The following NYAP2 variants were observed in gnomAD, a reference collection of about 807,000 sequenced individuals.
NYAP2 encodes neuronal tyrosine-phosphorylated phosphoinositide-3-kinase adapter 2.
In NYAP2, 23 loss-of-function variants were observed where a neutral mutation model predicts 50.4. The ratio of observed to expected loss-of-function variants is 0.46; its 90% confidence interval spans 0.33 to 0.65. The LOEUF (loss-of-function observed/expected upper bound fraction) is 0.65, where lower values mean the gene tolerates loss of function less well. Among genes scored for constraint, NYAP2 ranks in the 30% least tolerant of loss-of-function variants. The pLI, the probability that NYAP2 is intolerant of heterozygous loss-of-function variation, is 0.02. For synonymous variants in NYAP2, 394 were observed against 365.2 expected (o/e 1.08, Z -0.90); for missense variants, 885 against 861.0 (o/e 1.03, Z -0.35).
intron 4 of NYAP2, among the ~76,000 whole-genome samples, chr2:225,560,521 T>G (rs988546829): frequency 3.9e-5 from 6 of 152,124 alleles, no homozygotes; most frequent in African/African-American, 1.4e-4. Flanking sequence ...CCTAAACAGC[T>G]TGGCTTATTT....
chr2:225,611,901 T>TACACAC lies in NYAP2; in HGVS notation c.1619-14983_1619-14978dup, dbSNP rs147331159. 4.8e-4 allele frequency among the ~76,000 whole-genome samples: 70 copies of TACACAC among 145,550 alleles called. 1 individual carries two copies. Among genetic ancestry groups the TACACAC allele is most frequent in the Non-Finnish European group, 9.1e-4 (61 of 66,794 alleles). On this transcript the variant is annotated intron_variant, in intron 5 of 6. Transcript: ENST00000636099. ...ATGTATATATATGTGTGTGTGTGTA[T>TACACAC]ACACACACACACACACACACACACA...
chr2:225,423,472 C>A (rs1695244492), intron 3 of NYAP2, among the ~76,000 whole-genome samples: 2 of 152,080 alleles, frequency 1.3e-5, no homozygotes, highest in Admixed American at 6.6e-5. Flanking sequence ...CTCTGTCACC[C>A]CAGAATTGAA....
chr2:225,701,603 T>A, the NYAP2 span: 4 of 151,902 alleles, frequency 2.6e-5, no homozygotes, highest in African/African-American at 9.6e-5. Flanking sequence ...ACCGCTCACA[T>A]CTCTCCCATG....
chr2:225,663,965 G>T, the NYAP2 span, among the ~76,000 whole-genome samples: 1 of 151,992 alleles, frequency 6.6e-6, no homozygotes, highest in African/African-American at 2.4e-5. Context: ...TTGCTTATTT[G>T]TCAAGTCTGG....
chr2:225,672,063 A>G, the NYAP2 span, among the ~76,000 whole-genome samples: 1 of 152,130 alleles, frequency 6.6e-6, no homozygotes. Context: ...ATTTTGAAAT[A>G]GTAAATGAGC....
chr2:225,647,958 G>A (rs1693661699), intron 6 of NYAP2, among the ~76,000 whole-genome samples: 1 of 134,300 alleles, frequency 7.4e-6, no homozygotes, highest in African/African-American at 2.9e-5. Flanking sequence ...ATATATATAT[G>A]TGTGTGCATA....
At chr2:225,630,507 G>T (rs1177200683) in intron 6 of NYAP2, among the ~76,000 whole-genome samples, 2 of 152,122 alleles carry the variant, frequency 1.3e-5, no homozygotes, top group South Asian at 4.1e-4. Flanking sequence ...CATCTTGTCT[G>T]GTCCAATCTC....
chr2:225,515,067 G>T (rs1259309931), intron 4 of NYAP2, among the ~76,000 whole-genome samples: 2 of 152,048 alleles, frequency 1.3e-5, no homozygotes, highest in African/African-American at 4.8e-5. Context: ...CTCTCTCATT[G>T]GTGTTCAGGT....
chr2:225,664,631 G>A, the NYAP2 span, among the ~76,000 whole-genome samples: 1 of 152,162 alleles, frequency 6.6e-6, no homozygotes, highest in Admixed American at 6.5e-5. Context: ...CACTTTGGGA[G>A]GCAGAGGTGG....
At chr2:225,498,361 T>TC (rs1328380705) in intron 3 of NYAP2, among the ~76,000 whole-genome samples, 1 of 152,076 alleles carries the variant, frequency 6.6e-6, no homozygotes, top group East Asian at 1.9e-4. Flanking sequence ...ATTTTTTTTT[T>TC]CCTCAAATAG....
intron 4 of NYAP2, among the ~76,000 whole-genome samples, chr2:225,552,559 T>C (rs1216884760): frequency 6.7e-6 from 1 of 149,980 alleles, no homozygotes; most frequent in Non-Finnish European, 1.5e-5. Flanking sequence ...TTCTCTCTCT[T>C]TCTCTCTCTC....
intron 5 of NYAP2, among the ~76,000 whole-genome samples, chr2:225,617,655 CTTG>C (rs1693012511): frequency 6.6e-6 from 1 of 152,134 alleles, no homozygotes; most frequent in Non-Finnish European, 1.5e-5. Context: ...AGGCAAATTA[CTTG>C]TTTTTTATGG....
At chr2:225,422,758 G>A (rs1169278237) in intron 3 of NYAP2, among the ~76,000 whole-genome samples, 2 of 152,052 alleles carry the variant, frequency 1.3e-5, no homozygotes, top group Non-Finnish European at 2.9e-5. Context: ...TCTCAGGCAC[G>A]AGACAAGGAG....
chr2:225,525,068 T>C (rs77296861), intron 4 of NYAP2, among the ~76,000 whole-genome samples: 4,373 of 152,166 alleles, frequency 0.029, 214 homozygotes, highest in African/African-American at 0.1. Flanking sequence ...TGGCTATTAT[T>C]AAAAAGTTAA....
At chr2:225,511,824 C>G (rs887906100) in intron 3 of NYAP2, among the ~76,000 whole-genome samples, 1 of 152,062 alleles carries the variant, frequency 6.6e-6, no homozygotes, top group African/African-American at 2.4e-5. Context: ...ATATAAAATT[C>G]CATCATATTA....
intron 3 of NYAP2, among the ~76,000 whole-genome samples, chr2:225,421,228 C>G (rs1329025319): frequency 6.6e-6 from 1 of 152,080 alleles, no homozygotes; most frequent in African/African-American, 2.4e-5. Context: ...TCTTAACCAC[C>G]TAGGATGCTT....
chr2:225,428,695 G>T (rs139355827), intron 3 of NYAP2, among the ~76,000 whole-genome samples: 1 of 152,198 alleles, frequency 6.6e-6, no homozygotes, highest in African/African-American at 2.4e-5. Context: ...AGAGATTTCT[G>T]TGTATTCTGG....
intron 5 of NYAP2, among the ~76,000 whole-genome samples, chr2:225,621,714 T>A (rs1693107065): frequency 6.6e-6 from 1 of 152,110 alleles, no homozygotes; most frequent in Non-Finnish European, 1.5e-5. Flanking sequence ...TTTTTTTATT[T>A]TTTTTTTAAT....
intron 4 of NYAP2, among the ~76,000 whole-genome samples, chr2:225,566,969 A>G (rs1252283325): frequency 6.6e-6 from 1 of 152,056 alleles, no homozygotes; most frequent in Admixed American, 6.6e-5. Flanking sequence ...GCATTGCTTA[A>G]CAATAAGGAT....
Sources: gnomAD v4.1 joint callset for allele counts (sites outside exome capture counted in the v4.1 genomes callset) on GRCh38, gnomAD v4.1.1 for gene constraint, MANE v1.5 for transcripts, NCBI Gene and HGNC (gene_info 2026-07-23, HGNC 2026-07-21) for gene names.